KAZN: variants seen among roughly 807,000 people sequenced by gnomAD.
KAZN encodes the protein kazrin, periplakin interacting protein.
A neutral mutation model predicts 87.4 loss-of-function variants in KAZN; 40 were observed. The observed-to-expected ratio is 0.46, with a 90% CI of 0.36 to 0.60. The LOEUF (loss-of-function observed/expected upper bound fraction) is 0.60. Ranked by LOEUF, KAZN falls within the 20% of genes least tolerant of loss-of-function variation. The pLI is 0.00. For missense variants in KAZN, 898 were observed against 1,073.9 expected (o/e 0.84, Z 2.29); for synonymous variants, 466 against 458.3 (o/e 1.02, Z -0.22).
intron 1 of KAZN, among the ~76,000 whole-genome samples, chr1:14,088,328 A>G (rs1643900098): frequency 6.6e-6 from 1 of 151,800 alleles, no homozygotes; most frequent in South Asian, 2.1e-4. Flanking sequence ...TTTGGGTACA[A>G]TTTGATATCA....
At chr1:14,180,738 T>C (rs940414581) in intron 2 of KAZN, 8 of 630,854 alleles carry the variant, frequency 1.3e-5, no homozygotes, top group Non-Finnish European at 2.1e-5. Flanking sequence ...AGTATTGGAT[T>C]TCTGATTAGA....
intron 2 of KAZN, among the ~76,000 whole-genome samples, chr1:14,483,555 A>G (rs765372233): frequency 3.3e-5 from 5 of 152,248 alleles, no homozygotes; most frequent in East Asian, 1.9e-4. Flanking sequence ...CTGAGCCAAT[A>G]TGAGTGACCA....
At chr1:14,363,151 TAA>T (rs1444799343) in intron 2 of KAZN, among the ~76,000 whole-genome samples, 1 of 152,162 alleles carries the variant, frequency 6.6e-6, no homozygotes, top group South Asian at 2.1e-4. Context: ...TCAGTGCCCA[TAA>T]AAGTCCTCAT....
At chr1:14,930,122 G>T (rs1659641146) in intron 1 of KAZN, 1 of 974,120 alleles carries the variant, frequency 1.0e-6, no homozygotes, top group Admixed American at 6.1e-5. Flanking sequence ...GAGCTGGTGG[G>T]CTCTGGGTGG....
intron 1 of KAZN, among the ~76,000 whole-genome samples, chr1:14,052,410 CAT>C (rs1353360980): frequency 1.3e-5 from 2 of 152,176 alleles, no homozygotes; most frequent in African/African-American, 4.8e-5. Context: ...TCCTGCACCT[CAT>C]GTGGCTCAGT....
chr1:14,774,424 A>T (rs1645114583), intron 1 of KAZN, among the ~76,000 whole-genome samples: 2 of 147,206 alleles, frequency 1.4e-5, no homozygotes, highest in Admixed American at 1.4e-4. Flanking sequence ...TCTCACACCC[A>T]CACTCACCCT....
At chr1:15,100,652 T>C (rs933218287) in intron 10 of KAZN, among the ~76,000 whole-genome samples, 3 of 152,226 alleles carry the variant, frequency 2.0e-5, no homozygotes, top group Non-Finnish European at 4.4e-5. Context: ...ACAGGGGTCA[T>C]TTCTATGTGG....
intron 2 of KAZN, among the ~76,000 whole-genome samples, chr1:14,208,731 A>G (rs1424540223): frequency 6.6e-6 from 1 of 152,208 alleles, no homozygotes; most frequent in Non-Finnish European, 1.5e-5. Flanking sequence ...AACTGATGGT[A>G]AAATAAAGGG....
rs1186160050 is a variant in KAZN at position 14,146,559 on chromosome 1, A to G, written c.92-33876A>G. ...CTCAAAAAAAAAAAAAAAAAAAAAG[A>G]AAAGAAAAGAAAGAAAGAAAGAAGA... is the stretch of plus-strand genomic sequence containing the variant. On this transcript the variant is annotated intron_variant, in intron 1 of 16. Coordinates refer to the KAZN transcript ENST00000636203. Among the ~76,000 whole-genome samples, 7 of 145,068 alleles carry G rather than the reference A, an allele frequency of 4.8e-5. No individual in the cohort carries two copies. In the East Asian group the frequency reaches 9.8e-4, roughly 20 times the overall value.
intron 1 of KAZN, among the ~76,000 whole-genome samples, chr1:14,890,281 G>T (rs564571573): frequency 2.0e-5 from 3 of 152,288 alleles, no homozygotes; most frequent in African/African-American, 7.2e-5. Flanking sequence ...TTTCTGGATT[G>T]CCCCTGGGGA....
chr1:13,998,249 G>C (rs756464825), intron 1 of KAZN, among the ~76,000 whole-genome samples: 12 of 152,104 alleles, frequency 7.9e-5, no homozygotes, highest in Non-Finnish European at 1.2e-4. Flanking sequence ...AGGAAAAACT[G>C]GTACCAACCA....
intron 1 of KAZN, among the ~76,000 whole-genome samples, chr1:14,813,642 A>G (rs1034406027): frequency 1.3e-5 from 2 of 152,246 alleles, no homozygotes; most frequent in African/African-American, 4.8e-5. Context: ...TAAGACTAAT[A>G]GAAGATATAG....
intron 2 of KAZN, among the ~76,000 whole-genome samples, chr1:14,198,953 A>G (rs1027947151): frequency 5.3e-5 from 8 of 152,192 alleles, no homozygotes; most frequent in African/African-American, 1.9e-4. Flanking sequence ...GCTTTAATCA[A>G]TACACATTAG....
At chr1:14,657,470 A>T (rs1572153285) in intron 1 of KAZN, among the ~76,000 whole-genome samples, 1 of 152,178 alleles carries the variant, frequency 6.6e-6, no homozygotes, top group South Asian at 2.1e-4. Flanking sequence ...TGCATTTCTC[A>T]CAAGTTTCCA....
intron 1 of KAZN, among the ~76,000 whole-genome samples, chr1:14,874,964 A>G (rs1442753327): frequency 4.6e-5 from 7 of 152,074 alleles, no homozygotes; most frequent in African/African-American, 1.7e-4. Flanking sequence ...TTGCGCAGCC[A>G]CCTACCTCTG....
At chr1:15,075,285 A>G (rs1039546037) in intron 8 of KAZN, among the ~76,000 whole-genome samples, 50 of 148,494 alleles carry the variant, frequency 3.4e-4, no homozygotes, top group African/African-American at 1.1e-3. Context: ...AACTAGGGGG[A>G]AAAAAATCCC....
intron 2 of KAZN, among the ~76,000 whole-genome samples, chr1:14,416,289 C>A (rs1407758081): frequency 6.6e-6 from 1 of 152,176 alleles, no homozygotes; most frequent in East Asian, 1.9e-4. Flanking sequence ...GTCTACAGAA[C>A]AGGACTTGGC....
At chr1:14,962,363 G>C (rs1183013076) in intron 2 of KAZN, among the ~76,000 whole-genome samples, 1 of 152,182 alleles carries the variant, frequency 6.6e-6, no homozygotes, top group Non-Finnish European at 1.5e-5. Flanking sequence ...GCAGCATTTT[G>C]GGTGGTCTTT....
At chr1:14,374,320 C>A (rs1013100143) in intron 2 of KAZN, among the ~76,000 whole-genome samples, 1 of 152,176 alleles carries the variant, frequency 6.6e-6, no homozygotes, top group Non-Finnish European at 1.5e-5. Context: ...GATCATCAGG[C>A]AACCCAAATC....
Sources: gnomAD v4.1 joint callset for allele counts (sites outside exome capture counted in the v4.1 genomes callset) on GRCh38, gnomAD v4.1.1 for gene constraint, MANE v1.5 for transcripts, NCBI Gene and HGNC (gene_info 2026-07-23, HGNC 2026-07-21) for gene names.